Variants in ELP1 observed in about 807,000 individuals in gnomAD.
ELP1 encodes the protein elongator acetyltransferase complex subunit 1.
ELP1 carries 131 observed loss-of-function variants against 183.2 expected under a neutral mutation model. That is an observed-to-expected ratio of 0.72 (90% confidence interval 0.62 to 0.83). The LOEUF is 0.83. ELP1 is among the 40% of genes least tolerant of loss of function. ELP1 has a pLI of 0.00. For synonymous variants in ELP1, 555 were observed against 569.0 expected, an observed-to-expected ratio of 0.98 and a Z score of 0.35; for missense variants, 1,550 against 1,594.9, an observed-to-expected ratio of 0.97 and a Z score of 0.48.
intron 15 of ELP1, among the ~76,000 whole-genome samples, 164 bp from the exon 16 acceptor site, chr9:108,903,106 C>G (rs1002892628): frequency 2.0e-5 from 3 of 152,012 alleles, no homozygotes; most frequent in Non-Finnish European, 4.4e-5. Context: ...ACTTTAAGTT[C>G]TAGGGTACAT....
chr9:108,930,049 G>GA (rs1310701946), intron 2 of ELP1, 128 bp from the exon 3 acceptor site: 5 of 1,091,910 alleles, frequency 4.6e-6, no homozygotes, highest in Non-Finnish European at 4.0e-6. Flanking sequence ...TTTTCTAGAT[G>GA]AAAATCCAAA....
chr9:108,918,703 G>A (rs980606234), intron 8 of ELP1, 108 bp downstream of exon 8: 12 of 827,510 alleles, frequency 1.5e-5, no homozygotes, highest in Admixed American at 3.4e-5. Flanking sequence ...ATGAAGAAAC[G>A]TAAAAATCCT....
At position 108,903,637 on chromosome 9, in the gene ELP1, C is replaced by T; in HGVS notation, c.1676G>A (p.Ser559Asn). 1 of 1,613,874 alleles carries T rather than the reference C, an allele frequency of 6.2e-7. No homozygotes were observed. Among genetic ancestry groups the T allele is most frequent in the Non-Finnish European group, 8.5e-7 (1 of 1,179,916 alleles). The change falls in exon 15 of 37, where the codon AGT becomes AAT. Residue 559 changes from serine (S) to asparagine (N), a missense_variant. Coordinates refer to ENST00000374647, the MANE Select transcript of ELP1 (RefSeq NM_003640.5). ...SSAAVDGVII[S>N]LCCNSKTKSV... ...CTTGGTCTTGGAATTGCAACATAGA[C>T]TGATTATGACCCCATCCACCGCTGC...
At chr9:108,880,695 T>A (rs1265184591) in intron 31 of ELP1, among the ~76,000 whole-genome samples, 1 of 152,160 alleles carries the variant, frequency 6.6e-6, no homozygotes, top group East Asian at 1.9e-4. Context: ...ATTAATAGGT[T>A]TTGGGCCTAT....
At chr9:108,896,745 A>G (rs1828564389) in intron 24 of ELP1, 101 bp from the exon 25 acceptor site, 5 of 1,179,992 alleles carry the variant, frequency 4.2e-6, no homozygotes, top group Non-Finnish European at 3.8e-6. Context: ...TCTCAATAGA[A>G]CTGGACATCA....
chr9:108,904,437 A>G (rs1270193060), intron 14 of ELP1, among the ~76,000 whole-genome samples: 1 of 152,184 alleles, frequency 6.6e-6, no homozygotes, highest in African/African-American at 2.4e-5. Context: ...GTGATTAAAA[A>G]AAGAAAAAAG....
chr9:108,905,881 AC>A (rs1828999066), intron 14 of ELP1, among the ~76,000 whole-genome samples: 1 of 150,288 alleles, frequency 6.7e-6, no homozygotes, highest in Non-Finnish European at 1.5e-5. Context: ...ACACACACAC[AC>A]ACACACACAC....
chr9:108,926,604 C>A lies in ELP1; in HGVS notation c.386-1G>T, dbSNP rs1442833758. On this transcript the variant is annotated splice_acceptor_variant, in intron 4 of 36. Coordinates refer to ENST00000374647, the MANE Select transcript of ELP1 (RefSeq NM_003640.5). LOFTEE classifies it high-confidence loss of function. ...GTCATCATAATCAGGGTCTGTTGAC[C>A]TTAGAGAAACACAAACAAAAATGAT... 6.2e-7 allele frequency: 1 copy of A among 1,610,132 alleles called. No homozygotes were observed. The highest frequency in any genetic ancestry group is 8.5e-7 in the Non-Finnish European group (1 of 1,178,244).
At position 108,917,560 on chromosome 9, in the gene ELP1, T is replaced by A; in HGVS notation, c.851A>T (p.Lys284Ile). ...TCAGGCACTTACCTTAACCTCATCT[T>A]TAAGGAAGGGAAGTGTAAAGTGTCC... ...LHGHFTLPFL[K>I]DEVKVNDLLW... The change falls in exon 9 of 37, where the codon AAA becomes ATA. Residue 284 changes from lysine (K) to isoleucine (I), a missense_variant. Coordinates refer to ENST00000374647, the MANE Select transcript of ELP1 (RefSeq NM_003640.5). 6.2e-7 allele frequency: 1 copy of A among 1,614,038 alleles called. No individual in the cohort carries two copies. The highest frequency in any genetic ancestry group is 8.5e-7 in the Non-Finnish European group (1 of 1,179,944).
intron 14 of ELP1, among the ~76,000 whole-genome samples, chr9:108,905,214 G>GTA (rs1208342311): frequency 1.3e-5 from 2 of 152,154 alleles, no homozygotes; most frequent in Non-Finnish European, 2.9e-5. Context: ...TTTATGTAAT[G>GTA]TATATATATA....
chr9:108,925,902 T>C (rs1378960092), intron 5 of ELP1, among the ~76,000 whole-genome samples: 1 of 152,166 alleles, frequency 6.6e-6, no homozygotes, highest in African/African-American at 2.4e-5. Context: ...TGGGTAGAAG[T>C]TGTCTAAATG....
At position 108,908,248 on chromosome 9, in the gene ELP1, T is replaced by C. The variant is rs180794427; in HGVS notation, c.1460+57A>G. On this transcript the variant is annotated intron_variant, in intron 13 of 36. Transcript: ENST00000374647. ...AGAACTGTTATCAGATGGCTGAATT[T>C]AGGACTGCATGCTGGCTGATTCTGT... 3.9e-6 allele frequency: 5 copies of C among 1,282,102 alleles called. No individual in the cohort carries two copies. The African/African-American group carries it at 4.4e-5, about 11-fold the overall frequency. 79.4% of individuals were successfully genotyped at this position (1,282,102 alleles called of 1,614,324 possible). A position where few individuals can be genotyped will look rare whatever the true frequency, so the allele number is the denominator to read the frequency against.
At chr9:108,872,820 A>AC (rs1356043912) in intron 36 of ELP1, among the ~76,000 whole-genome samples, 1 of 69,890 alleles carries the variant, frequency 1.4e-5, no homozygotes, top group Non-Finnish European at 4.6e-5. Flanking sequence ...AAAAAAAAAA[A>AC]AAAAAAAAAA....
intron 1 of ELP1, 78 bp from the exon 2 acceptor site, chr9:108,931,279 T>A: frequency 1.0e-6 from 1 of 953,388 alleles, no homozygotes; most frequent in Non-Finnish European, 1.6e-6. Context: ...GGTGAAGAAG[T>A]GGTAGTCAGA....
chr9:108,899,564 T>A (rs756319520), intron 20 of ELP1, among the ~76,000 whole-genome samples: 6 of 152,024 alleles, frequency 3.9e-5, no homozygotes, highest in Non-Finnish European at 8.8e-5. Context: ...AAAACCCACA[T>A]GTGTTCCCTC....
At chr9:108,900,514 A>G in intron 18 of ELP1, 139 bp from the exon 19 acceptor site, 1 of 728,682 alleles carries the variant, frequency 1.4e-6, no homozygotes, top group Non-Finnish European at 2.5e-6. Context: ...ACTGAACCTC[A>G]AGACTATCAG....
Position 108,927,393 on chromosome 9 carries a change from C to A in ELP1, c.364G>T (p.Glu122Ter). Residue 122 changes from glutamate (E) to a stop codon, truncating the protein, a stop_gained, in exon 4 of 37, where the codon GAG (glutamate) becomes TAG (stop). Transcript: ENST00000374647. LOFTEE classifies it high-confidence loss of function. ...TTACCTGTGGCAAGAAGCACCAGCT[C>A]TTGGTCAGGACTCCAACTCATAACA... ...ISVMSWSPDQ[E>*]LVLLATGQQT... is the part of the protein sequence containing the mutation. The A allele has an allele frequency of 6.2e-7, 1 of 1,613,772 alleles. No homozygotes were observed. The highest frequency in any genetic ancestry group is 8.5e-7 in the Non-Finnish European group (1 of 1,179,744).
chr9:108,907,279 T>C lies in ELP1; in HGVS notation c.1461-794A>G, dbSNP rs566841659. 1.4e-4 allele frequency among the ~76,000 whole-genome samples: 22 copies of C among 152,312 alleles called. No individual in the cohort carries two copies. In the East Asian group the frequency reaches 2.5e-3, roughly 17 times the overall value. ...TGTCTTCTGTGAAATCTCAGACGAATTGGCATTATCCCCATCAATTTTTTT... is the reference window on the plus strand; with the variant it reads ...TGTCTTCTGTGAAATCTCAGACGAACTGGCATTATCCCCATCAATTTTTTT... On this transcript the variant is annotated intron_variant, in intron 13 of 36. Transcript: ENST00000374647.
At chr9:108,877,704 C>T (rs1275875106) in intron 35 of ELP1, among the ~76,000 whole-genome samples, 1 of 152,202 alleles carries the variant, frequency 6.6e-6, no homozygotes, top group Non-Finnish European at 1.5e-5. Context: ...TCTCTCCCCA[C>T]TCCAACCTCA....
Sources: gnomAD v4.1 joint callset for allele counts (sites outside exome capture counted in the v4.1 genomes callset) on GRCh38, gnomAD v4.1.1 for gene constraint, MANE v1.5 for transcripts, NCBI Gene and HGNC (gene_info 2026-07-23, HGNC 2026-07-21) for gene names.